The following DIAPH3 variants were observed in gnomAD, a reference collection of about 807,000 sequenced individuals.
DIAPH3 encodes the protein protein diaphanous homolog 3.
DIAPH3 carries 117 observed loss-of-function variants against 144.3 expected under a neutral mutation model. The ratio of observed to expected loss-of-function variants is 0.81; its 90% confidence interval spans 0.70 to 0.95. The LOEUF is 0.95. Among genes scored for constraint, DIAPH3 ranks in the 40% least tolerant of loss-of-function variants. The probability of loss-of-function intolerance (pLI) is 0.00; values close to 1 mark genes in which losing one functional copy is unlikely to be tolerated. For missense variants in DIAPH3, 1,421 were observed against 1,412.7 expected (o/e 1.01, Z -0.09); for synonymous variants, 519 against 488.9 (o/e 1.06, Z -0.81).
At chr13:59,851,133 T>C (rs1196521668) in intron 22 of DIAPH3, among the ~76,000 whole-genome samples, 1 of 152,100 alleles carries the variant, frequency 6.6e-6, no homozygotes, top group Non-Finnish European at 1.5e-5. Flanking sequence ...CTCAATAAAA[T>C]ACTGGCAAAC....
intron 17 of DIAPH3, among the ~76,000 whole-genome samples, chr13:59,944,642 T>C (rs2048710356): frequency 6.6e-6 from 1 of 152,146 alleles, no homozygotes; most frequent in African/African-American, 2.4e-5. Context: ...ATTGATAGAT[T>C]TGACTTCTAC....
chr13:59,696,494 G>A, intron 27 of DIAPH3, among the ~76,000 whole-genome samples: 1 of 152,054 alleles, frequency 6.6e-6, no homozygotes, highest in Non-Finnish European at 1.5e-5. Flanking sequence ...CCATTACGGT[G>A]GGTTCATTCA....
At chr13:59,720,011 G>A (rs924345487) in intron 27 of DIAPH3, among the ~76,000 whole-genome samples, 2 of 152,140 alleles carry the variant, frequency 1.3e-5, no homozygotes. Context: ...GTGTATAGCT[G>A]GAGGACAATG....
chr13:60,113,485 A>T (rs2058624355), intron 2 of DIAPH3, among the ~76,000 whole-genome samples: 1 of 152,204 alleles, frequency 6.6e-6, no homozygotes, highest in South Asian at 2.1e-4. Flanking sequence ...TCTAGGAAAA[A>T]TACTATGTAC....
intron 21 of DIAPH3, among the ~76,000 whole-genome samples, chr13:59,869,226 T>C (rs1302472344): frequency 1.3e-5 from 2 of 152,212 alleles, no homozygotes; most frequent in African/African-American, 4.8e-5. Flanking sequence ...TGTCAGTGTT[T>C]AGTATTTTAG....
intron 27 of DIAPH3, among the ~76,000 whole-genome samples, chr13:59,709,659 A>G (rs1433350788): frequency 1.3e-5 from 2 of 152,220 alleles, no homozygotes; most frequent in African/African-American, 2.4e-5. Flanking sequence ...ACTGTAAACT[A>G]GTTCAACCGT....
chr13:60,142,328 C>T (rs1425443594), intron 1 of DIAPH3, among the ~76,000 whole-genome samples: 3 of 152,028 alleles, frequency 2.0e-5, no homozygotes, highest in African/African-American at 4.8e-5. Flanking sequence ...AGTCATTTAC[C>T]AGAAGGTATT....
At chr13:60,061,056 G>T (rs1464276428) in intron 4 of DIAPH3, among the ~76,000 whole-genome samples, 1 of 152,042 alleles carries the variant, frequency 6.6e-6, no homozygotes, top group East Asian at 1.9e-4. Context: ...TATGAACCTA[G>T]TCTCTGGGAG....
intron 27 of DIAPH3, among the ~76,000 whole-genome samples, chr13:59,673,906 T>C (rs1470125933): frequency 6.6e-6 from 1 of 152,214 alleles, no homozygotes; most frequent in Non-Finnish European, 1.5e-5. Flanking sequence ...TTCTGATTTG[T>C]ATTCTTTTGC....
chr13:59,870,279 C>T (rs936322496), intron 21 of DIAPH3, among the ~76,000 whole-genome samples: 1 of 151,696 alleles, frequency 6.6e-6, no homozygotes, highest in African/African-American at 2.4e-5. Flanking sequence ...TATATTTATA[C>T]GAATCTATTT....
intron 27 of DIAPH3, among the ~76,000 whole-genome samples, chr13:59,716,818 ATCAC>A (rs1228246518): frequency 2.0e-5 from 3 of 152,202 alleles, no homozygotes; most frequent in Non-Finnish European, 2.9e-5. Flanking sequence ...TTTAAAATAT[ATCAC>A]TCATTAAATT....
At chr13:59,680,119 G>C (rs1027448158) in intron 27 of DIAPH3, among the ~76,000 whole-genome samples, 31 of 152,216 alleles carry the variant, frequency 2.0e-4, no homozygotes, top group African/African-American at 7.5e-4. Context: ...ACATGGTGGA[G>C]TATATGAGGA....
intron 9 of DIAPH3, among the ~76,000 whole-genome samples, chr13:59,996,650 A>G (rs1295598294): frequency 6.6e-6 from 1 of 152,006 alleles, no homozygotes; most frequent in African/African-American, 2.4e-5. Flanking sequence ...AGTCAGCAAT[A>G]CCATAAAGTA....
intron 25 of DIAPH3, among the ~76,000 whole-genome samples, chr13:59,800,369 C>T (rs535983461): frequency 6.6e-6 from 1 of 152,198 alleles, no homozygotes; most frequent in South Asian, 2.1e-4. Flanking sequence ...CAGTATCAAG[C>T]ATAAAATGGG....
At chr13:59,768,696 A>C (rs1428870278) in intron 27 of DIAPH3, among the ~76,000 whole-genome samples, 1 of 152,162 alleles carries the variant, frequency 6.6e-6, no homozygotes, top group African/African-American at 2.4e-5. Flanking sequence ...CTTCACATTT[A>C]ACTCTGACTT....
Position 60,015,920 on chromosome 13 carries a change from T to C in DIAPH3, c.764A>G (p.Asn255Ser). Residue 255 changes from asparagine to serine, a missense_variant, in exon 7 of 28, where the codon AAT becomes AGT. Physicochemically the swap from Asn to Ser is conservative, Grantham distance 46. Transcript: ENST00000400324. The stretch of plus-strand genomic sequence containing the variant: ...AATTACGTATGTACATACCTGCGTA[T>C]TCATCAGGGCTTTTAGACACTGTAT... ...KVIQCLKALM[N>S]TQYGLERIMS... The C allele has an allele frequency of 6.2e-7, 1 of 1,612,328 alleles. No homozygotes were observed. The highest frequency in any genetic ancestry group is 8.5e-7 in the Non-Finnish European group (1 of 1,179,050).
chr13:59,989,272 GTAAA>G (rs1241887335), intron 12 of DIAPH3, among the ~76,000 whole-genome samples: 1 of 151,548 alleles, frequency 6.6e-6, no homozygotes, highest in Non-Finnish European at 1.5e-5. Flanking sequence ...TTTACTGTAT[GTAAA>G]TAAATAAAAT....
At chr13:60,144,732 G>C (rs977932160) in intron 1 of DIAPH3, 2 of 152,300 alleles carry the variant, frequency 1.3e-5, no homozygotes, top group African/African-American at 2.4e-5. Context: ...ACAATGCAGA[G>C]AATCAACAGT....
chr13:59,926,992 T>C (rs967540545), intron 17 of DIAPH3, among the ~76,000 whole-genome samples: 1 of 152,200 alleles, frequency 6.6e-6, no homozygotes, highest in African/African-American at 2.4e-5. Flanking sequence ...GCTTTAAAAA[T>C]CTGGGTGTTC....
Sources: allele counts gnomAD v4.1 joint callset (sites outside exome capture counted in the v4.1 genomes callset), GRCh38; gene constraint gnomAD v4.1.1; transcripts MANE v1.5; gene names NCBI Gene and HGNC (gene_info 2026-07-23, HGNC 2026-07-21).